PHF3: variants seen among roughly 807,000 people sequenced by gnomAD.
The protein encoded by PHF3 is PHD finger protein 3.
In PHF3, 41 loss-of-function variants were observed where a neutral mutation model predicts 178.4. The observed-to-expected ratio is 0.23, with a 90% CI of 0.18 to 0.30. PHF3 has a LOEUF of 0.30. PHF3 is among the 10% of genes least tolerant of loss of function. The pLI is 1.00. For synonymous variants in PHF3, 842 were observed against 800.5 expected (o/e 1.05, Z -0.88); for missense variants, 2,346 against 2,398.1 (o/e 0.98, Z 0.45).
rs1387652471 is a variant in PHF3 at position 63,698,575 on chromosome 6, G to A, written c.2952G>A (p.Leu984=). The A allele has an allele frequency of 3.2e-6, 5 of 1,576,728 alleles. No homozygotes were observed. The highest frequency in any genetic ancestry group is 4.3e-6 in the Non-Finnish European group (5 of 1,166,012). The part of the protein sequence containing the change: ...DAKYKNKYRS[L]MFNLKDPKNN... ...AATATAAGAACAAATATAGAAGTTTGATGTTTAATTTGAAAGATCCTAAAA... is the reference window on the plus strand; with the variant it reads ...AATATAAGAACAAATATAGAAGTTTAATGTTTAATTTGAAAGATCCTAAAA... Residue 984 remains leucine (L), a synonymous_variant, in exon 8 of 16, where the codon TTG becomes TTA. Coordinates refer to ENST00000262043, the MANE Select transcript of PHF3 (RefSeq NM_001370348.2).
Position 63,725,934 on chromosome 6 carries a change from T to G in PHF3, c.*12226T>G, listed in dbSNP as rs1768598244. Among the ~76,000 whole-genome samples, 1 of 152,146 alleles carries G rather than the reference T, an allele frequency of 6.6e-6. No homozygotes were observed. The highest frequency in any genetic ancestry group is 1.5e-5 in the Non-Finnish European group (1 of 67,984). On this transcript the variant is annotated 3_prime_UTR_variant, in exon 16 of 16. Transcript: ENST00000262043. ...GTAACTATATGTGCAGATGTCTTTG[T>G]CAGAATTTTGGAGAAATGAATGAAA...
chr6:63,680,317 A>G (rs984954488), intron 3 of PHF3, among the ~76,000 whole-genome samples, 156 bp downstream of exon 3: 42 of 151,278 alleles, frequency 2.8e-4, no homozygotes, highest in African/African-American at 9.7e-4. Context: ...AATTTGTTGT[A>G]TAAGTTTTCA....
chr6:63,684,987 A>G lies in PHF3; in HGVS notation c.1265A>G (p.Glu422Gly). ...ESTEFNKSNL[E>G]VVDTSTFGPE... ...ACTGAGTTTAATAAATCAAACTTAG[A>G]GGTGGTTGATACTAGTACTTTTGGA... Residue 422 changes from glutamate (E) to glycine (G), a missense_variant, in exon 4 of 16, where the codon GAG (glutamate) becomes GGG (glycine). Glu to Gly is a moderately conservative substitution (Grantham distance 98). Transcript: ENST00000262043. 2.5e-6 allele frequency: 4 copies of G among 1,614,078 alleles called. No individual in the cohort carries two copies. Among genetic ancestry groups the G allele is most frequent in the Non-Finnish European group, 3.4e-6 (4 of 1,179,954 alleles).
At chr6:63,681,791 C>T (rs1365670252) in intron 3 of PHF3, among the ~76,000 whole-genome samples, 1 of 152,062 alleles carries the variant, frequency 6.6e-6, no homozygotes, top group Non-Finnish European at 1.5e-5. Flanking sequence ...TTCCTAGATG[C>T]TCTCCTGAAA....
At chr6:63,690,500 C>T (rs1232816481) in intron 4 of PHF3, among the ~76,000 whole-genome samples, 1 of 152,122 alleles carries the variant, frequency 6.6e-6, no homozygotes, top group African/African-American at 2.4e-5. Context: ...ACAGTTTTAA[C>T]ATTAAAACAG....
chr6:63,707,372 A>G (rs1241706743), intron 13 of PHF3, among the ~76,000 whole-genome samples: 1 of 152,206 alleles, frequency 6.6e-6, no homozygotes, highest in African/African-American at 2.4e-5. Flanking sequence ...AAAACCAGTG[A>G]GACTAGTGAC....
intron 4 of PHF3, among the ~76,000 whole-genome samples, chr6:63,691,532 T>TAAA (rs1766997900): frequency 6.6e-6 from 1 of 152,110 alleles, no homozygotes; most frequent in Admixed American, 6.5e-5. Flanking sequence ...AGAGGAGAAA[T>TAAA]ATTTGAGGTC....
intron 4 of PHF3, among the ~76,000 whole-genome samples, chr6:63,688,960 G>A (rs180713421): frequency 6.6e-6 from 1 of 152,178 alleles, no homozygotes; most frequent in African/African-American, 2.4e-5. Context: ...GTTGAAGTTA[G>A]TTTCCTTGTG....
At chr6:63,653,436 G>C (rs1330470157) in intron 2 of PHF3, among the ~76,000 whole-genome samples, 1 of 151,898 alleles carries the variant, frequency 6.6e-6, no homozygotes, top group East Asian at 1.9e-4. Context: ...TTATACCAAA[G>C]TGTTCTACAT....
At position 63,694,502 on chromosome 6, in the gene PHF3, A is replaced by G. The variant is rs1322841374; in HGVS notation, c.2497-79A>G. ...GTGAATCTCATTTTACTAATAATCA[A>G]GAGTTATTTTTGTACGTCTTAAAAA... On this transcript the variant is annotated intron_variant, in intron 5 of 15. Transcript: ENST00000262043. 11 of 985,672 alleles carry G rather than the reference A, an allele frequency of 1.1e-5. No individual in the cohort carries two copies. The highest frequency in any genetic ancestry group is 3.3e-5 in the African/African-American group (2 of 60,248). The allele number at this position is 985,672 out of a possible 1,614,324, so 61.1% of individuals were successfully genotyped here.
chr6:63,697,721 T>C (rs1767293264), intron 6 of PHF3, among the ~76,000 whole-genome samples: 1 of 152,188 alleles, frequency 6.6e-6, no homozygotes, highest in Non-Finnish European at 1.5e-5. Flanking sequence ...GTAAAAATCA[T>C]AGATTTAAGA....
chr6:63,709,519 T>G (rs1487412928), intron 14 of PHF3, among the ~76,000 whole-genome samples: 1 of 152,130 alleles, frequency 6.6e-6, no homozygotes, highest in Non-Finnish European at 1.5e-5. Context: ...CACCCTGGAA[T>G]TTTGCCTTGC....
chr6:63,697,991 A>G (rs1223345395), intron 6 of PHF3, among the ~76,000 whole-genome samples: 4 of 152,168 alleles, frequency 2.6e-5, no homozygotes, highest in Non-Finnish European at 5.9e-5. Context: ...GTGTGGAAAA[A>G]TAACTAGCTC....
In PHF3 at chr6:63,698,490, C is replaced by A. The variant is rs1331430387; in HGVS notation, c.2867C>A (p.Ala956Glu). Reference sequence around the variant, plus strand: ...TTGAAGGTACCAGAGGAAAAGGCAGCAAAAGTTGCCACAAAAATTGAGAAA... The same window carrying A: ...TTGAAGGTACCAGAGGAAAAGGCAGAAAAAGTTGCCACAAAAATTGAGAAA... ...SNLKVPEEKA[A>E]KVATKIEKEL... is the part of the protein sequence containing the mutation. The change falls in exon 8 of 16, where the codon GCA (alanine) becomes GAA (glutamate). Residue 956 changes from alanine to glutamate, a missense_variant. Physicochemically the swap from Ala to Glu is moderately radical, Grantham distance 107 (BLOSUM62 -1). Coordinates refer to ENST00000262043, the MANE Select transcript of PHF3 (RefSeq NM_001370348.2). 119 of 1,602,138 alleles carry A rather than the reference C, an allele frequency of 7.4e-5. No homozygotes were observed. Among genetic ancestry groups the A allele is most frequent in the Admixed American group, 1.2e-4 (7 of 57,546 alleles).
chr6:63,677,785 T>G (rs1465791170), intron 2 of PHF3, among the ~76,000 whole-genome samples: 1 of 151,960 alleles, frequency 6.6e-6, no homozygotes, highest in East Asian at 1.9e-4. Flanking sequence ...GATTGAACAG[T>G]CTGTTGTGTT....
At position 63,714,692 on chromosome 6, in the gene PHF3, T is replaced by C. The variant is rs571535015; in HGVS notation, c.*984T>C. 6.6e-6 allele frequency: 1 copy of C among 152,288 alleles called. No homozygotes were observed. The highest frequency in any genetic ancestry group is 2.4e-5 in the African/African-American group (1 of 41,566). 9.4% of individuals were successfully genotyped at this position (152,288 alleles called of 1,614,324 possible). ...CTACCTGTGAAACACTGTGCAGCTA[T>C]AGCCCACTTTATAGGTAAGTTTCTG... On this transcript the variant is annotated 3_prime_UTR_variant, in exon 16 of 16. Transcript: ENST00000262043.
In PHF3 at chr6:63,706,849, A is replaced by G. The variant is rs541787048; in HGVS notation, c.3684A>G (p.Val1228=). ...VAKFVTKAYP[V]SGSPEYLTED... ...AATTTGTTACCAAAGCCTATCCAGT[A>G]TCTGGCTCCCCAGAATACCTGACAG... is the stretch of plus-strand genomic sequence containing the variant. The change falls in exon 13 of 16, where the codon GTA becomes GTG. Residue 1228 remains valine, a synonymous_variant. Transcript: ENST00000262043. The G allele has an allele frequency of 3.7e-6, 6 of 1,614,004 alleles. No individual in the cohort carries two copies. The East Asian group carries it at 6.7e-5, about 18-fold the overall frequency.
rs1448447920 is a variant in PHF3, at chr6:63,704,284, T to TA, written c.3367+614dup. On this transcript the variant is annotated intron_variant, in intron 11 of 15. Coordinates refer to ENST00000262043, the MANE Select transcript of PHF3 (RefSeq NM_001370348.2). Reference sequence around the variant, plus strand: ...CATAGTTTACATTGGCGTTCACTCTTAGAGTTGTTCATTCTGTGGGTATGG... The same window carrying TA: ...CATAGTTTACATTGGCGTTCACTCTTAAGAGTTGTTCATTCTGTGGGTATGG... 9.9e-5 allele frequency among the ~76,000 whole-genome samples: 15 copies of TA among 152,166 alleles called. No individual in the cohort carries two copies. The East Asian group carries it at 2.7e-3, about 27-fold the overall frequency.
At chr6:63,643,822 C>T (rs1041102160) in intron 1 of PHF3, among the ~76,000 whole-genome samples, 10 of 152,042 alleles carry the variant, frequency 6.6e-5, no homozygotes, top group African/African-American at 1.9e-4. Context: ...TAAAAAAAAT[C>T]GATCTTCAAG....
Sources: allele counts gnomAD v4.1 joint callset (sites outside exome capture counted in the v4.1 genomes callset), GRCh38; gene constraint gnomAD v4.1.1; transcripts MANE v1.5; gene names NCBI Gene and HGNC (gene_info 2026-07-23, HGNC 2026-07-21).